CELF2: variants seen among roughly 807,000 people sequenced by gnomAD.
The protein encoded by CELF2 is CUGBP Elav-like family member 2, also known as CUG triplet repeat RNA-binding protein 2.
In CELF2, 8 loss-of-function variants were observed where a neutral mutation model predicts 62.6. The observed-to-expected ratio is 0.13, with a 90% CI of 0.07 to 0.23. The LOEUF (loss-of-function observed/expected upper bound fraction) is 0.23, where lower values mean the gene tolerates loss of function less well. CELF2 is among the 10% of genes least tolerant of loss of function. The pLI is 1.00. For missense variants in CELF2, 333 were observed against 671.0 expected (o/e 0.50, Z 5.56); for synonymous variants, 258 against 250.0 (o/e 1.03, Z -0.30).
At chr10:11,209,717 A>AC (rs1262750186) in intron 2 of CELF2, among the ~76,000 whole-genome samples, 1 of 151,956 alleles carries the variant, frequency 6.6e-6, no homozygotes, top group East Asian at 1.9e-4. Flanking sequence ...CTGAGAGTTG[A>AC]AACCGTAGTG....
chr10:10,616,991 A>C, the CELF2 span, among the ~76,000 whole-genome samples: 4 of 152,214 alleles, frequency 2.6e-5, no homozygotes, highest in South Asian at 8.3e-4. Flanking sequence ...TCCCAGGCTC[A>C]AGCAATTCTC....
the CELF2 span, among the ~76,000 whole-genome samples, chr10:10,506,465 A>G: frequency 6.6e-6 from 1 of 152,152 alleles, no homozygotes; most frequent in Admixed American, 6.6e-5. Flanking sequence ...GATGTAAATC[A>G]AACTTCACTG....
chr10:11,096,428 T>C (rs1369051157), intron 1 of CELF2: 1 of 152,154 alleles, frequency 6.6e-6, no homozygotes. Flanking sequence ...GGAAACTGCA[T>C]TGCCAAGGAA....
intron 1 of CELF2, among the ~76,000 whole-genome samples, chr10:10,844,322 A>T (rs142105720): frequency 1.3e-3 from 203 of 152,182 alleles, no homozygotes; most frequent in African/African-American, 4.7e-3. Context: ...CTCTACCCCC[A>T]TGTGAGCCAG....
At chr10:10,523,507 G>A in the CELF2 span, among the ~76,000 whole-genome samples, 92 of 152,240 alleles carry the variant, frequency 6.0e-4, no homozygotes, top group African/African-American at 2.1e-3. Flanking sequence ...TGACTGGGGA[G>A]GTGGTGAAAC....
intron 2 of CELF2, among the ~76,000 whole-genome samples, chr10:11,196,891 G>A (rs374748790): frequency 3.3e-5 from 5 of 150,624 alleles, no homozygotes; most frequent in Admixed American, 6.6e-5. Context: ...CCTGGGAGGC[G>A]GAGGTTGCAG....
the CELF2 span, among the ~76,000 whole-genome samples, chr10:10,670,155 G>C: frequency 6.6e-6 from 1 of 152,068 alleles, no homozygotes; most frequent in South Asian, 2.1e-4. Context: ...GGCCACTTTG[G>C]CCTCCCAAAG....
intron 1 of CELF2, among the ~76,000 whole-genome samples, chr10:11,112,464 G>T (rs1595517013): frequency 6.6e-6 from 1 of 152,356 alleles, no homozygotes; most frequent in East Asian, 1.9e-4. Flanking sequence ...ACACACGTGT[G>T]TGTCACCTCT....
chr10:10,955,788 A>T (rs1477616998), intron 2 of CELF2, among the ~76,000 whole-genome samples: 1 of 152,198 alleles, frequency 6.6e-6, no homozygotes, highest in South Asian at 2.1e-4. Context: ...ACCAGACACT[A>T]GGATACTGTT....
chr10:10,746,746 T>C, the CELF2 span, among the ~76,000 whole-genome samples: 1 of 152,260 alleles, frequency 6.6e-6, no homozygotes, highest in East Asian at 1.9e-4. Context: ...TAAGTATTAA[T>C]ATAATAAAAT....
At chr10:10,628,501 T>C in the CELF2 span, among the ~76,000 whole-genome samples, 893 of 152,198 alleles carry the variant, frequency 5.9e-3, 2 homozygotes, top group Non-Finnish European at 8.3e-3. Flanking sequence ...GTGAATCAAT[T>C]CCATGAAACA....
chr10:10,799,704 C>T (rs1013864642), intron 1 of CELF2, among the ~76,000 whole-genome samples: 7 of 151,654 alleles, frequency 4.6e-5, no homozygotes, highest in African/African-American at 1.7e-4. Flanking sequence ...CTGACCTCCT[C>T]ATCTCTCAGA....
chr10:10,493,585 G>T, the CELF2 span, among the ~76,000 whole-genome samples: 5 of 150,794 alleles, frequency 3.3e-5, no homozygotes, highest in Non-Finnish European at 7.4e-5. Flanking sequence ...AGGCTGGAGT[G>T]CAGTGGCATG....
chr10:10,648,714 T>C, the CELF2 span, among the ~76,000 whole-genome samples: 2 of 152,194 alleles, frequency 1.3e-5, no homozygotes, highest in Non-Finnish European at 2.9e-5. Context: ...TATTTTACGG[T>C]TTGGTAATTT....
the CELF2 span, among the ~76,000 whole-genome samples, chr10:10,542,414 T>TGAAGACA: frequency 6.6e-6 from 1 of 152,010 alleles, no homozygotes; most frequent in East Asian, 1.9e-4. Flanking sequence ...ACCAACCAAA[T>TGAAGACA]GAAGACAGAC....
chr10:11,304,621 C>T (rs2094056008), intron 9 of CELF2, among the ~76,000 whole-genome samples: 1 of 152,162 alleles, frequency 6.6e-6, no homozygotes. Flanking sequence ...CGTATAAAGC[C>T]CTACTTCCAC....
At chr10:10,592,485 T>A in the CELF2 span, among the ~76,000 whole-genome samples, 1 of 152,220 alleles carries the variant, frequency 6.6e-6, no homozygotes, top group African/African-American at 2.4e-5. Context: ...TCCTTCATAC[T>A]GTCAGCCAAC....
chr10:11,231,777 A>G (rs2068768336), intron 3 of CELF2, among the ~76,000 whole-genome samples: 1 of 151,486 alleles, frequency 6.6e-6, no homozygotes, highest in Non-Finnish European at 1.5e-5. Context: ...CTCAATAAAG[A>G]CAGCATGAGG....
intron 11 of CELF2, among the ~76,000 whole-genome samples, chr10:11,325,450 T>C (rs756427837): frequency 1.3e-5 from 2 of 152,222 alleles, no homozygotes; most frequent in Admixed American, 6.5e-5. Context: ...CACCCTTTTT[T>C]CCTTCTCACA....
Sources: allele counts gnomAD v4.1 joint callset (sites outside exome capture counted in the v4.1 genomes callset), GRCh38; gene constraint gnomAD v4.1.1; transcripts MANE v1.5; gene names NCBI Gene and HGNC (gene_info 2026-07-23, HGNC 2026-07-21).